The following IQSEC1 variants were observed in gnomAD, a reference collection of about 807,000 sequenced individuals.
IQSEC1 encodes IQ motif and Sec7 domain ArfGEF 1, also known as IQ motif and SEC7 domain-containing protein 1.
A neutral mutation model predicts 91.0 loss-of-function variants in IQSEC1; 31 were observed. The ratio of observed to expected loss-of-function variants is 0.34; its 90% CI spans 0.26 to 0.46. The LOEUF is 0.46. Among genes scored for constraint, IQSEC1 ranks in the 20% least tolerant of loss-of-function variants. IQSEC1 has a pLI of 1.00. For missense variants in IQSEC1, 1,388 were observed against 1,575.6 expected, an observed-to-expected ratio of 0.88 and a Z score of 2.02; for synonymous variants, 699 against 662.6, an observed-to-expected ratio of 1.05 and a Z score of -0.84.
intron 1 of IQSEC1, among the ~76,000 whole-genome samples, chr3:13,263,267 C>G (rs1313408289): frequency 6.6e-6 from 1 of 151,688 alleles, no homozygotes; most frequent in Admixed American, 6.6e-5. Context: ...CAAAACAAAA[C>G]AAAACAAAAA....
At chr3:13,137,413 G>A (rs1187307374) in intron 2 of IQSEC1, among the ~76,000 whole-genome samples, 5 of 152,242 alleles carry the variant, frequency 3.3e-5, no homozygotes, top group African/African-American at 7.2e-5. Flanking sequence ...ACAATGTTAG[G>A]TGGAAAATGC....
At chr3:13,106,100 C>G (rs995908696) in intron 2 of IQSEC1, among the ~76,000 whole-genome samples, 3 of 152,178 alleles carry the variant, frequency 2.0e-5, no homozygotes, top group Non-Finnish European at 4.4e-5. Flanking sequence ...CAGAGCCCCC[C>G]AGCTTCCCAG....
At chr3:13,249,705 G>A (rs554641213) in intron 1 of IQSEC1, among the ~76,000 whole-genome samples, 4 of 152,244 alleles carry the variant, frequency 2.6e-5, no homozygotes, top group Non-Finnish European at 4.4e-5. Context: ...TCTGAAAAAC[G>A]AGGTGGGGGA....
chr3:13,179,428 G>A (rs1316716651), intron 1 of IQSEC1, among the ~76,000 whole-genome samples: 1 of 152,246 alleles, frequency 6.6e-6, no homozygotes, highest in African/African-American at 2.4e-5. Flanking sequence ...ACAATGGAAT[G>A]ACCATGGAAT....
At chr3:12,930,975 A>G (rs1697619389) in intron 3 of IQSEC1, among the ~76,000 whole-genome samples, 1 of 152,048 alleles carries the variant, frequency 6.6e-6, no homozygotes, top group Non-Finnish European at 1.5e-5. Context: ...CCTTTCCCAC[A>G]CTGCCAGGGC....
intron 3 of IQSEC1, among the ~76,000 whole-genome samples, chr3:12,931,156 T>C (rs1697637514): frequency 6.6e-6 from 1 of 152,170 alleles, no homozygotes; most frequent in Non-Finnish European, 1.5e-5. Context: ...CCCTTGGCAC[T>C]GTCTTCTTCT....
chr3:13,161,295 G>C (rs67964818), intron 2 of IQSEC1, among the ~76,000 whole-genome samples: 2 of 152,168 alleles, frequency 1.3e-5, no homozygotes, highest in Non-Finnish European at 2.9e-5. Flanking sequence ...GGGGGAGTGC[G>C]GGAGGAGAAG....
intron 1 of IQSEC1, among the ~76,000 whole-genome samples, chr3:13,066,417 C>A (rs779609683): frequency 6.6e-6 from 1 of 152,212 alleles, no homozygotes; most frequent in Non-Finnish European, 1.5e-5. Flanking sequence ...AGCGAGGACT[C>A]GCCACGCGCC....
chr3:12,989,202 G>A (rs1398601345), intron 1 of IQSEC1, among the ~76,000 whole-genome samples: 1 of 152,198 alleles, frequency 6.6e-6, no homozygotes, highest in Non-Finnish European at 1.5e-5. Context: ...AGCTCCCGGA[G>A]GGCATGGCTT....
intron 2 of IQSEC1, among the ~76,000 whole-genome samples, chr3:13,123,997 T>C (rs1332516226): frequency 6.6e-6 from 1 of 152,236 alleles, no homozygotes; most frequent in Non-Finnish European, 1.5e-5. Flanking sequence ...GTATGACAGC[T>C]TTGAGAACAA....
chr3:12,974,382 A>G (rs1425213625), intron 1 of IQSEC1, among the ~76,000 whole-genome samples: 1 of 152,200 alleles, frequency 6.6e-6, no homozygotes, highest in Non-Finnish European at 1.5e-5. Flanking sequence ...AGGTGGTGAG[A>G]ATATGCTTGC....
At chr3:13,056,360 G>A (rs1704880237) in intron 1 of IQSEC1, among the ~76,000 whole-genome samples, 1 of 151,684 alleles carries the variant, frequency 6.6e-6, no homozygotes, top group South Asian at 2.1e-4. Context: ...GGCAAATACA[G>A]CTTCCAGCAA....
intron 1 of IQSEC1, among the ~76,000 whole-genome samples, chr3:12,986,774 G>T (rs866381644): frequency 6.6e-6 from 1 of 152,212 alleles, no homozygotes; most frequent in African/African-American, 2.4e-5. Flanking sequence ...GGCTGGCAGG[G>T]TGCCTGTGCG....
intron 2 of IQSEC1, among the ~76,000 whole-genome samples, chr3:13,137,988 A>G (rs570643113): frequency 6.6e-6 from 1 of 152,316 alleles, no homozygotes; most frequent in East Asian, 1.9e-4. Flanking sequence ...TGTTCTAACA[A>G]TGTGTCACAG....
In IQSEC1 at chr3:13,245,523, T is replaced by C. The variant is rs142112794; in HGVS notation, c.272+37188A>G. The stretch of plus-strand genomic sequence containing the variant: ...GGCTCACGCCTGTAATCCCAGCCCT[T>C]TGGAAGGCCAAGGTGGGTGGATCAC... On this transcript the variant is annotated intron_variant, in intron 1 of 15. Coordinates refer to the IQSEC1 transcript ENST00000648114. 2.6e-3 allele frequency among the ~76,000 whole-genome samples: 402 copies of C among 152,260 alleles called. 10 individuals carry two copies. In the East Asian group the frequency reaches 0.065, roughly 25 times the overall value.
chr3:13,036,566 C>T (rs903304968), intron 1 of IQSEC1, among the ~76,000 whole-genome samples: 2 of 152,214 alleles, frequency 1.3e-5, no homozygotes, highest in Non-Finnish European at 2.9e-5. Context: ...CAGGGTGCCC[C>T]CTGTAGAGCC....
intron 1 of IQSEC1, among the ~76,000 whole-genome samples, chr3:13,063,680 A>G (rs534510287): frequency 6.6e-6 from 1 of 152,378 alleles, no homozygotes; most frequent in East Asian, 1.9e-4. Context: ...TCTGAAACTC[A>G]GAACCCCTGG....
At chr3:13,095,566 C>A (rs1460812691) in intron 2 of IQSEC1, among the ~76,000 whole-genome samples, 1 of 152,086 alleles carries the variant, frequency 6.6e-6, no homozygotes, top group Admixed American at 6.6e-5. Flanking sequence ...CATTGCCACT[C>A]CCCCCTCCTT....
intron 2 of IQSEC1, among the ~76,000 whole-genome samples, chr3:13,081,333 A>G (rs897150724): frequency 2.0e-5 from 3 of 152,220 alleles, no homozygotes; most frequent in African/African-American, 7.2e-5. Context: ...CAGTGGCACA[A>G]TCACAGCTCA....
Sources: allele counts gnomAD v4.1 joint callset (sites outside exome capture counted in the v4.1 genomes callset), GRCh38; gene constraint gnomAD v4.1.1; transcripts MANE v1.5; gene names NCBI Gene and HGNC (gene_info 2026-07-23, HGNC 2026-07-21).